DHX37: variants seen among roughly 807,000 people sequenced by gnomAD.
DHX37 encodes probable ATP-dependent RNA helicase DHX37.
DHX37 carries 52 observed loss-of-function variants against 134.3 expected under a neutral mutation model. That is an observed-to-expected ratio of 0.39 (90% confidence interval 0.31 to 0.49). The LOEUF is 0.49. Ranked by LOEUF, DHX37 falls within the 20% of genes least tolerant of loss-of-function variation. DHX37 has a pLI of 0.93. For missense variants in DHX37, 1,344 were observed against 1,580.8 expected (o/e 0.85, Z 2.54); for synonymous variants, 634 against 670.7 (o/e 0.95, Z 0.85).
chr12:124,988,880 A>AATT, intron 1 of DHX37, 37 bp downstream of exon 1: 3 of 1,271,824 alleles, frequency 2.4e-6, no homozygotes, highest in Non-Finnish European at 3.0e-6. Context: ...GCCCTGGGAA[A>AATT]TCTCCGAAAT....
At chr12:124,959,042 TG>T (rs1954168049) in intron 16 of DHX37, among the ~76,000 whole-genome samples, 1 of 130,392 alleles carries the variant, frequency 7.7e-6, no homozygotes, top group Admixed American at 7.2e-5. Context: ...CCCAAGTAGC[TG>T]GGATTATAGG....
intron 6 of DHX37, among the ~76,000 whole-genome samples, 188 bp downstream of exon 6, chr12:124,975,231 T>C (rs1954610539): frequency 6.6e-6 from 1 of 152,158 alleles, no homozygotes; most frequent in Non-Finnish European, 1.5e-5. Flanking sequence ...TAAGCTTGCT[T>C]GGAGGCCCCC....
At chr12:124,972,436 G>A in intron 7 of DHX37, 67 bp downstream of exon 7, 2 of 1,547,202 alleles carry the variant, frequency 1.3e-6, no homozygotes, top group East Asian at 2.2e-5. Flanking sequence ...CATATCCCAG[G>A]TGACATCCTA....
At chr12:124,953,829 C>G in intron 20 of DHX37, 51 bp downstream of exon 20, 3 of 1,595,966 alleles carry the variant, frequency 1.9e-6, no homozygotes, top group Non-Finnish European at 2.6e-6. Flanking sequence ...TTTCAAGTGC[C>G]CAGGTCAGGT....
At chr12:124,950,933 G>A in intron 21 of DHX37, 129 bp from the exon 22 acceptor site, 1 of 1,323,572 alleles carries the variant, frequency 7.6e-7, no homozygotes, top group Non-Finnish European at 9.9e-7. Flanking sequence ...CCATCTGCCG[G>A]GAAATGCGGC....
Position 124,950,179 on chromosome 12 carries a change from C to T in DHX37, c.3186G>A (p.Lys1062=), listed in dbSNP as rs368319156. The change falls in exon 24 of 27, where the codon AAG becomes AAA. Residue 1062 remains lysine, a synonymous_variant. Coordinates refer to ENST00000308736, the MANE Select transcript of DHX37 (RefSeq NM_032656.4). ...VDFPEGIDRY[K]HFARFLLEGQ... is the part of the protein sequence containing the mutation. ...CTTCCAGCAGGAACCGGGCAAAGTG[C>T]TTGTAGCGGTCAATCCCCTCTGGAA... 2.2e-4 allele frequency: 358 copies of T among 1,613,964 alleles called. 1 individual carries two copies. Among genetic ancestry groups the T allele is most frequent in the Middle Eastern group, 3.3e-4 (2 of 6,084 alleles).
intron 13 of DHX37, 109 bp downstream of exon 13, chr12:124,965,559 G>C: frequency 2.1e-6 from 3 of 1,439,670 alleles, no homozygotes; most frequent in Non-Finnish European, 2.7e-6. Context: ...AGGAAGCATC[G>C]GGGACAAAGC....
chr12:124,962,154 G>C (rs1268076437), intron 15 of DHX37, among the ~76,000 whole-genome samples: 1 of 152,048 alleles, frequency 6.6e-6, no homozygotes, highest in Admixed American at 6.5e-5. Flanking sequence ...GCTGCAGTGA[G>C]CTATACTTGG....
At chr12:124,955,882 A>C (rs1459692898) in intron 18 of DHX37, among the ~76,000 whole-genome samples, 4 of 133,608 alleles carry the variant, frequency 3.0e-5, no homozygotes, top group Admixed American at 1.6e-4. Flanking sequence ...TGGCCCATGC[A>C]GTGATGTGGC....
rs200874982 is a variant in DHX37, at chr12:124,966,802, C to T, written c.1581G>A (p.Ala527=). 209 of 1,614,248 alleles carry T rather than the reference C, an allele frequency of 1.3e-4. No homozygotes were observed. The highest frequency in any genetic ancestry group is 1.5e-4 in the Non-Finnish European group (181 of 1,180,040). The change falls in exon 12 of 27, where the codon GCG becomes GCA. Residue 527 remains alanine (A), a synonymous_variant. Coordinates refer to ENST00000308736, the MANE Select transcript of DHX37 (RefSeq NM_032656.4). ...FKKSRARAKK[A]RAEVLPQINL... ...CCAGCCCCCCACGTACCTCAGCCCGCGCCTTCTTGGCCCTGGCCCTTGACT... is the reference window on the plus strand; with the variant it reads ...CCAGCCCCCCACGTACCTCAGCCCGTGCCTTCTTGGCCCTGGCCCTTGACT...
chr12:124,951,933 C>T (rs2135928455), intron 21 of DHX37, among the ~76,000 whole-genome samples: 1 of 152,260 alleles, frequency 6.6e-6, no homozygotes, highest in African/African-American at 2.4e-5. Flanking sequence ...GTTCGCACCA[C>T]TATACTCTAA....
At chr12:124,968,152 T>A (rs764550246) in intron 10 of DHX37, among the ~76,000 whole-genome samples, 33 of 151,482 alleles carry the variant, frequency 2.2e-4, no homozygotes, top group Admixed American at 5.3e-4. Context: ...TTCAGTAACA[T>A]GAGGTGGGTA....
chr12:124,964,117 C>T (rs1254604497), intron 15 of DHX37, among the ~76,000 whole-genome samples: 1 of 146,026 alleles, frequency 6.8e-6, no homozygotes, highest in Non-Finnish European at 1.5e-5. Flanking sequence ...ATTGCTTCAA[C>T]GTAGGAGGTG....
intron 10 of DHX37, among the ~76,000 whole-genome samples, chr12:124,967,483 G>A (rs370366796): frequency 1.2e-4 from 18 of 152,262 alleles, no homozygotes; most frequent in African/African-American, 3.1e-4. Context: ...GTGCTCACAC[G>A]GAACCCTGCA....
intron 18 of DHX37, among the ~76,000 whole-genome samples, chr12:124,955,671 A>G (rs921497531): frequency 6.6e-6 from 1 of 152,264 alleles, no homozygotes; most frequent in African/African-American, 2.4e-5. Context: ...ATCTGATCTC[A>G]TTTCCTCAAA....
chr12:124,961,095 A>G (rs1029862928), intron 15 of DHX37, among the ~76,000 whole-genome samples: 1 of 152,280 alleles, frequency 6.6e-6, no homozygotes, highest in African/African-American at 2.4e-5. Context: ...ACTAACATGT[A>G]GCCCTGACAA....
rs755830300 is a variant in DHX37 at position 124,980,848 on chromosome 12, T to C, written c.390-10A>G. 7.8e-6 allele frequency: 12 copies of C among 1,546,248 alleles called. No individual in the cohort carries two copies. The highest frequency in any genetic ancestry group is 4.7e-5 in the South Asian group (4 of 84,876). On this transcript the variant is annotated splice_polypyrimidine_tract_variant and intron_variant, in intron 3 of 26. Coordinates refer to ENST00000308736, the MANE Select transcript of DHX37 (RefSeq NM_032656.4). This position sits in a 1 kb window ranked among gnomAD's most constrained non-coding sequence, Gnocchi z 5.3. ...CACCTCGTCAGCCTTCCTGTTGAGA[T>C]AGCAGAGACTTCAGGCACAGAGGCC...
intron 4 of DHX37, among the ~76,000 whole-genome samples, chr12:124,977,757 G>A (rs1170675789): frequency 6.6e-6 from 1 of 152,182 alleles, no homozygotes; most frequent in Non-Finnish European, 1.5e-5. Flanking sequence ...ACCCTCGGCT[G>A]TTGCTGGCAG....
chr12:124,954,001 G>T lies in DHX37; in HGVS notation c.2579-5C>A, dbSNP rs1392008992. ...ACTCACAGGCTCCCACGGCGCCTGG[G>T]GAACGAAGAGGGGGCATGCTCTCTC... On this transcript the variant is annotated splice_region_variant and splice_polypyrimidine_tract_variant and intron_variant, in intron 19 of 26. Coordinates refer to ENST00000308736, the MANE Select transcript of DHX37 (RefSeq NM_032656.4). 3.1e-6 allele frequency: 5 copies of T among 1,613,682 alleles called. No homozygotes were observed. The East Asian group carries it at 1.1e-4, about 36-fold the overall frequency.
Sources: allele counts gnomAD v4.1 joint callset (sites outside exome capture counted in the v4.1 genomes callset), GRCh38; gene constraint gnomAD v4.1.1; non-coding constraint Gnocchi (gnomAD v3.1); transcripts MANE v1.5; gene names NCBI Gene and HGNC (gene_info 2026-07-23, HGNC 2026-07-21).